Variants in SYT11 observed in about 807,000 individuals in gnomAD.
SYT11 encodes synaptotagmin 11, also known as synaptotagmin-11.
In SYT11, 12 loss-of-function variants were observed where a neutral mutation model predicts 30.4. The observed-to-expected ratio is 0.39, with a 90% CI of 0.25 to 0.64. The LOEUF is 0.64. Among genes scored for constraint, SYT11 ranks in the 30% least tolerant of loss-of-function variants. The pLI, the probability that SYT11 is intolerant of heterozygous loss-of-function variation, is 0.45. For missense variants in SYT11, 412 were observed against 552.0 expected, an observed-to-expected ratio of 0.75 and a Z score of 2.54; for synonymous variants, 204 against 216.0, an observed-to-expected ratio of 0.94 and a Z score of 0.49.
intron 2 of SYT11, among the ~76,000 whole-genome samples, chr1:155,873,155 C>T (rs536138861): frequency 6.6e-6 from 1 of 152,288 alleles, no homozygotes; most frequent in South Asian, 2.1e-4. Context: ...CGGCTAGGCG[C>T]GGTGTCTCAG....
intron 1 of SYT11, among the ~76,000 whole-genome samples, 178 bp downstream of exon 1, chr1:155,859,973 G>A (rs538154549): frequency 6.6e-6 from 1 of 152,338 alleles, no homozygotes; most frequent in East Asian, 1.9e-4. Flanking sequence ...GCATGAACTT[G>A]AGCTATGGGC....
At chr1:155,878,458 C>T (rs1267360813) in intron 2 of SYT11, among the ~76,000 whole-genome samples, 4 of 152,172 alleles carry the variant, frequency 2.6e-5, no homozygotes, top group South Asian at 2.1e-4. Flanking sequence ...AGGCCCAACT[C>T]CTTTGTACCA....
At position 155,861,204 on chromosome 1, in the gene SYT11, G is replaced by T. The variant is rs184417277; in HGVS notation, c.34+1409G>T. 2.6e-5 allele frequency among the ~76,000 whole-genome samples: 4 copies of T among 152,240 alleles called. No homozygotes were observed. In the East Asian group the frequency reaches 7.7e-4, roughly 29 times the overall value. On this transcript the variant is annotated intron_variant, in intron 1 of 3. Coordinates refer to ENST00000368324, the MANE Select transcript of SYT11 (RefSeq NM_152280.5). ...TACTTGTTCTCACTTATTCCACAAG[G>T]CTAAATCTTGATGGTATTTTTTCTT...
chr1:155,870,922 A>G (rs1672773014), intron 2 of SYT11, among the ~76,000 whole-genome samples: 1 of 152,160 alleles, frequency 6.6e-6, no homozygotes, highest in East Asian at 1.9e-4. Context: ...AATCTTGAAG[A>G]ATATTAGACA....
intron 3 of SYT11, among the ~76,000 whole-genome samples, 163 bp downstream of exon 3, chr1:155,880,786 G>A (rs1235488540): frequency 1.3e-5 from 2 of 152,138 alleles, no homozygotes; most frequent in Non-Finnish European, 2.9e-5. Flanking sequence ...ACGTCCAATA[G>A]ATTTCCCTGG....
At chr1:155,859,865 A>T in intron 1 of SYT11, 70 bp downstream of exon 1, 1 of 1,462,066 alleles carries the variant, frequency 6.8e-7, no homozygotes, top group South Asian at 1.1e-5. Context: ...GCCCAGCGGC[A>T]GGGCAGAGAA....
chr1:155,868,380 A>G lies in SYT11; in HGVS notation c.450A>G (p.Ser150=), dbSNP rs1672722869. 2 of 1,614,038 alleles carry G rather than the reference A, an allele frequency of 1.2e-6. No homozygotes were observed. The highest frequency in any genetic ancestry group is 1.7e-6 in the Non-Finnish European group (2 of 1,179,994). The change falls in exon 2 of 4, where the codon TCA becomes TCG. Residue 150 remains serine (S), a synonymous_variant. Coordinates refer to ENST00000368324, the MANE Select transcript of SYT11 (RefSeq NM_152280.5). This position sits in a 1 kb window ranked among gnomAD's most constrained non-coding sequence, Gnocchi z 4.7. The stretch of plus-strand genomic sequence containing the variant: ...GGGAGAGCAAAACCACCTCTCCATC[A>G]TCTCCAGAGGAGGATGTCATGCTAG... ...TPGESKTTSP[S]SPEEDVMLGS...
chr1:155,881,338 A>G lies in SYT11; in HGVS notation c.1126A>G (p.Ser376Gly), dbSNP rs748512443. 1 of 1,614,174 alleles carries G rather than the reference A, an allele frequency of 6.2e-7. No individual in the cohort carries two copies. Among genetic ancestry groups the G allele is most frequent in the Non-Finnish European group, 8.5e-7 (1 of 1,180,036 alleles). ...DIPTDLLPDI[S>G]IEFLVIDFDR... The stretch of plus-strand genomic sequence containing the variant: ...CCCCACTGACCTCCTGCCTGATATC[A>G]GCATCGAGTTCCTCGTTATCGACTT... The change falls in exon 4 of 4, where the codon AGC becomes GGC. Residue 376 changes from serine (S) to glycine (G), a missense_variant. Physicochemically the swap from Ser to Gly is moderately conservative, Grantham distance 56. Coordinates refer to ENST00000368324, the MANE Select transcript of SYT11 (RefSeq NM_152280.5).
rs368026546 is a variant in SYT11 at position 155,874,754 on chromosome 1, GT to G, written c.862-5745del. ...AAATACAAAAAATTAGCCGGGCATGGTGGCAGGCGCCTGTAGTCCCAGCTAC... is the reference window on the plus strand; with the variant it reads ...AAATACAAAAAATTAGCCGGGCATGGGGCAGGCGCCTGTAGTCCCAGCTAC... On this transcript the variant is annotated intron_variant, in intron 2 of 3. Transcript: ENST00000368324. Among the ~76,000 whole-genome samples the G allele has an allele frequency of 3.8e-3, 573 of 149,782 alleles. 12 individuals are homozygous for G. Among genetic ancestry groups the G allele is most frequent in the African/African-American group, 0.013 (548 of 41,126 alleles).
intron 1 of SYT11, among the ~76,000 whole-genome samples, chr1:155,864,148 G>A (rs766639794): frequency 5.9e-5 from 9 of 151,666 alleles, no homozygotes; most frequent in Non-Finnish European, 1.3e-4. Context: ...CTACTCAGGA[G>A]GCTGAGGCAG....
At chr1:155,870,410 A>G (rs985703036) in intron 2 of SYT11, among the ~76,000 whole-genome samples, 1 of 152,196 alleles carries the variant, frequency 6.6e-6, no homozygotes, top group Non-Finnish European at 1.5e-5. Flanking sequence ...GTCAAGTTTG[A>G]TACCTGGGTG....
In SYT11 at chr1:155,881,456, G is replaced by C; in HGVS notation, c.1244G>C (p.Cys415Ser). ...GGTGCTGAACACTGGAGAGAGGTCT[G>C]CGAGAGCCCCCGCAAGCCTGTGGCC... ...ASGAEHWREV[C>S]ESPRKPVAKW... The change falls in exon 4 of 4, where the codon TGC (cysteine) becomes TCC (serine). Residue 415 changes from cysteine to serine, a missense_variant. Transcript: ENST00000368324. 1.2e-6 allele frequency: 2 copies of C among 1,613,250 alleles called. No homozygotes were observed. Among genetic ancestry groups the C allele is most frequent in the Non-Finnish European group, 1.7e-6 (2 of 1,179,302 alleles).
In SYT11 at chr1:155,867,976, G is replaced by T. The variant is rs773398731; in HGVS notation, c.46G>T (p.Val16Leu). Residue 16 changes from valine to leucine, a missense_variant, in exon 2 of 4, where the codon GTG (valine) becomes TTG (leucine). Coordinates refer to ENST00000368324, the MANE Select transcript of SYT11 (RefSeq NM_152280.5). ...NIRPSFDVSP[V>L]VAGLIGASVL... ...ATCTCCGCCTTCAGATGTGTCACCGGTGGTGGCCGGCCTCATCGGGGCCTC... is the reference window on the plus strand; with the variant it reads ...ATCTCCGCCTTCAGATGTGTCACCGTTGGTGGCCGGCCTCATCGGGGCCTC... 6 of 1,609,020 alleles carry T rather than the reference G, an allele frequency of 3.7e-6. No homozygotes were observed. The African/African-American group carries it at 8.0e-5, about 22-fold the overall frequency.
intron 2 of SYT11, among the ~76,000 whole-genome samples, chr1:155,875,912 T>C (rs1672852174): frequency 6.6e-6 from 1 of 152,228 alleles, no homozygotes; most frequent in Admixed American, 6.5e-5. Flanking sequence ...TGTTCTTTCC[T>C]GCACCAGACA....
At chr1:155,864,316 A>G (rs910153812) in intron 1 of SYT11, among the ~76,000 whole-genome samples, 14 of 152,362 alleles carry the variant, frequency 9.2e-5, no homozygotes, top group African/African-American at 3.4e-4. Context: ...TACACAAAAA[A>G]TAGCAATTTT....
chr1:155,871,352 C>T (rs1285501962), intron 2 of SYT11, among the ~76,000 whole-genome samples: 1 of 152,208 alleles, frequency 6.6e-6, no homozygotes, highest in Admixed American at 6.5e-5. Context: ...TACTCCTTCC[C>T]TTGTCTACCT....
At chr1:155,864,051 C>T (rs953013321) in intron 1 of SYT11, among the ~76,000 whole-genome samples, 2 of 152,058 alleles carry the variant, frequency 1.3e-5, no homozygotes, top group Non-Finnish European at 2.9e-5. Context: ...TGCCACTGCA[C>T]TCCAGCCTGA....
intron 1 of SYT11, among the ~76,000 whole-genome samples, chr1:155,864,271 G>A (rs969687811): frequency 1.3e-5 from 2 of 152,058 alleles, no homozygotes; most frequent in Non-Finnish European, 2.9e-5. Flanking sequence ...AAAAAAGTAA[G>A]CTCTACCACA....
At chr1:155,878,724 G>A (rs961686029) in intron 2 of SYT11, among the ~76,000 whole-genome samples, 6 of 151,848 alleles carry the variant, frequency 4.0e-5, no homozygotes, top group African/African-American at 7.3e-5. Context: ...AAAATTAGCC[G>A]GGCGTGGTGG....
Sources: allele counts gnomAD v4.1 joint callset (sites outside exome capture counted in the v4.1 genomes callset), GRCh38; gene constraint gnomAD v4.1.1; non-coding constraint Gnocchi (gnomAD v3.1); transcripts MANE v1.5; gene names NCBI Gene and HGNC (gene_info 2026-07-23, HGNC 2026-07-21).